DNAJC6: variants seen among roughly 807,000 people sequenced by gnomAD.
The protein encoded by DNAJC6 is auxilin.
A neutral mutation model predicts 110.0 loss-of-function variants in DNAJC6; 34 were observed. That is an observed-to-expected ratio of 0.31 (90% CI 0.24 to 0.41). The LOEUF is 0.41. Ranked by LOEUF, DNAJC6 falls within the 10% of genes least tolerant of loss-of-function variation. The pLI is 1.00. For synonymous variants in DNAJC6, 406 were observed against 437.2 expected (o/e 0.93, Z 0.89); for missense variants, 1,031 against 1,207.8 (o/e 0.85, Z 2.17).
At chr1:65,393,890 C>G (rs1046029489) in intron 12 of DNAJC6, among the ~76,000 whole-genome samples, 1 of 152,140 alleles carries the variant, frequency 6.6e-6, no homozygotes, top group Non-Finnish European at 1.5e-5. Flanking sequence ...CTGGAGGCAT[C>G]CTTCATGAGT....
chr1:65,307,004 CTCTCTCTCTCTCTCTA>C (rs1411724314), upstream of DNAJC6, among the ~76,000 whole-genome samples: 111 of 106,724 alleles, frequency 1.0e-3, 1 homozygote, highest in African/African-American at 2.9e-3. Flanking sequence ...CTCTCTCTCT[CTCTCTCTCTCTCTCTA>C]TATATATATA....
chr1:65,389,168 A>G, intron 9 of DNAJC6, 88 bp from the exon 10 acceptor site: 1 of 1,209,362 alleles, frequency 8.3e-7, no homozygotes, highest in East Asian at 2.4e-5. Flanking sequence ...ATTTAACCTA[A>G]GAGTCAACCT....
chr1:65,412,794 C>T, intron 18 of DNAJC6, 130 bp from the exon 19 acceptor site: 1 of 796,822 alleles, frequency 1.3e-6, no homozygotes, highest in Non-Finnish European at 2.0e-6. Flanking sequence ...GTAGATTAGG[C>T]TGAAAAGGAG....
chr1:65,362,029 A>G (rs745855314), intron 1 of DNAJC6, among the ~76,000 whole-genome samples: 1 of 152,228 alleles, frequency 6.6e-6, no homozygotes, highest in Non-Finnish European at 1.5e-5. Flanking sequence ...AAATCTTGGA[A>G]AATAATATTA....
chr1:65,354,453 T>C (rs1231753578), intron 1 of DNAJC6, among the ~76,000 whole-genome samples: 1 of 152,156 alleles, frequency 6.6e-6, no homozygotes, highest in African/African-American at 2.4e-5. Flanking sequence ...TAGCCTAGAG[T>C]ACATGTTTAG....
chr1:65,411,068 G>A (rs1001062551), intron 17 of DNAJC6, among the ~76,000 whole-genome samples, 182 bp from the exon 18 acceptor site: 2 of 152,196 alleles, frequency 1.3e-5, no homozygotes, highest in Non-Finnish European at 2.9e-5. Context: ...GAGTTAACCA[G>A]GGAGACAAGG....
At chr1:65,360,611 T>G (rs557770160) in intron 1 of DNAJC6, among the ~76,000 whole-genome samples, 37 of 152,298 alleles carry the variant, frequency 2.4e-4, no homozygotes, top group African/African-American at 8.7e-4. Flanking sequence ...CTCACTATAT[T>G]TAAAACAAAA....
intron 14 of DNAJC6, among the ~76,000 whole-genome samples, chr1:65,400,528 T>C (rs1025251713): frequency 6.6e-6 from 1 of 152,186 alleles, no homozygotes; most frequent in East Asian, 1.9e-4. Flanking sequence ...TTCTACTCTT[T>C]ATTTCTATGA....
intron 15 of DNAJC6, among the ~76,000 whole-genome samples, chr1:65,403,335 T>G (rs1475246681): frequency 6.6e-6 from 1 of 152,166 alleles, no homozygotes; most frequent in African/African-American, 2.4e-5. Flanking sequence ...CACCAAGAAG[T>G]CTAGCTCTGG....
chr1:65,387,062 G>A (rs144642775), intron 8 of DNAJC6, 133 bp downstream of exon 8: 3 of 761,014 alleles, frequency 3.9e-6, no homozygotes, highest in Non-Finnish European at 6.7e-6. Flanking sequence ...TTTAAAGATT[G>A]CTTAGCTCAC....
At chr1:65,307,066 A>G (rs899550088), upstream of DNAJC6, among the ~76,000 whole-genome samples, 8 of 147,628 alleles carry the variant, frequency 5.4e-5, no homozygotes, top group Non-Finnish European at 1.2e-4. Flanking sequence ...TAATTCTTCT[A>G]TATAATGATG....
intron 1 of DNAJC6, among the ~76,000 whole-genome samples, chr1:65,350,328 C>A (rs1335053746): frequency 1.3e-5 from 2 of 152,088 alleles, no homozygotes; most frequent in African/African-American, 4.8e-5. Flanking sequence ...CTTTTTAATT[C>A]TGCTATTTTC....
intron 4 of DNAJC6, among the ~76,000 whole-genome samples, chr1:65,367,999 G>C (rs903175581): frequency 1.3e-5 from 2 of 150,740 alleles, no homozygotes; most frequent in Non-Finnish European, 2.9e-5. Context: ...ATCTCCTAAT[G>C]CTATCCCTCC....
chr1:65,291,169 A>T (rs377117677), intron 1 of DNAJC6, among the ~76,000 whole-genome samples: 10 of 152,282 alleles, frequency 6.6e-5, no homozygotes, highest in Admixed American at 5.2e-4. Context: ...AGTAGCTGGA[A>T]TTACAGGCAT....
chr1:65,328,896 T>C (rs1316245983), intron 1 of DNAJC6, among the ~76,000 whole-genome samples: 1 of 152,240 alleles, frequency 6.6e-6, no homozygotes, highest in Non-Finnish European at 1.5e-5. Context: ...GCCTTGGTAA[T>C]GCAGGTCTCA....
At chr1:65,315,479 C>T (rs766876410) in intron 1 of DNAJC6, among the ~76,000 whole-genome samples, 2 of 152,140 alleles carry the variant, frequency 1.3e-5, no homozygotes, top group Admixed American at 1.3e-4. Flanking sequence ...CAACGTACAA[C>T]ATGAGTGTGT....
intron 2 of DNAJC6, 94 bp from the exon 3 acceptor site, chr1:65,365,791 G>C (rs1413448348): frequency 1.5e-6 from 2 of 1,355,606 alleles, no homozygotes; most frequent in South Asian, 1.3e-5. Context: ...CCTGGACAGC[G>C]GTGTCCCAGT....
At chr1:65,333,345 C>A (rs941816386) in intron 1 of DNAJC6, among the ~76,000 whole-genome samples, 1 of 152,108 alleles carries the variant, frequency 6.6e-6, no homozygotes, top group Admixed American at 6.5e-5. Context: ...GTTTTATCTT[C>A]TGATTGCATT....
chr1:65,408,709 A>C lies in DNAJC6; in HGVS notation c.2560A>C (p.Lys854Gln). ...TCAAGGTTTCAATGCTCACAAAGAC[A>C]AAAAGGGGCCTCGGACAATAGCTGA... ...SGQGFNAHKD[K>Q]KGPRTIAEMR... The change falls in exon 17 of 19, where the codon AAA (lysine) becomes CAA (glutamine). Residue 854 changes from lysine (K) to glutamine (Q), a missense_variant. Lys to Gln is a moderately conservative substitution (Grantham distance 53, BLOSUM62 1). Transcript: ENST00000371069. The C allele has an allele frequency of 6.2e-7, 1 of 1,614,132 alleles. No individual in the cohort carries two copies. Among genetic ancestry groups the C allele is most frequent in the East Asian group, 2.2e-5 (1 of 44,882 alleles).
Sources: gnomAD v4.1 joint callset for allele counts (sites outside exome capture counted in the v4.1 genomes callset) on GRCh38, gnomAD v4.1.1 for gene constraint, MANE v1.5 for transcripts, NCBI Gene and HGNC (gene_info 2026-07-23, HGNC 2026-07-21) for gene names.